The following GRIN2B variants were observed in gnomAD, a reference collection of about 807,000 sequenced individuals.
GRIN2B encodes glutamate receptor ionotropic, NMDA 2B.
Under a neutral mutation model 114.5 loss-of-function variants are expected in GRIN2B, and 5 were observed. That is an observed-to-expected ratio of 0.04 (90% CI 0.02 to 0.09). The LOEUF is 0.09. GRIN2B is among the 10% of genes least tolerant of loss of function. GRIN2B has a pLI of 1.00. For synonymous variants in GRIN2B, 787 were observed against 745.1 expected (o/e 1.06, Z -0.92); for missense variants, 1,108 against 1,943.5 (o/e 0.57, Z 8.08).
intron 4 of GRIN2B, among the ~76,000 whole-genome samples, chr12:13,679,094 GGAA>G (rs1052880436): frequency 2.8e-4 from 43 of 152,096 alleles, no homozygotes; most frequent in Admixed American, 2.6e-3. Context: ...AGAGGGGTAA[GGAA>G]GAAGAAGGAT....
chr12:13,691,632 T>C (rs947461309), intron 4 of GRIN2B, among the ~76,000 whole-genome samples: 7 of 152,096 alleles, frequency 4.6e-5, no homozygotes, highest in African/African-American at 1.7e-4. Context: ...GGAAGCAAAA[T>C]AGCTTGAAGA....
chr12:13,779,168 C>A (rs1864060061), intron 3 of GRIN2B, among the ~76,000 whole-genome samples: 5 of 152,164 alleles, frequency 3.3e-5, no homozygotes, highest in Admixed American at 2.0e-4. Context: ...CTCAGCCTCC[C>A]AAGTAGCTGG....
intron 4 of GRIN2B, among the ~76,000 whole-genome samples, chr12:13,719,895 T>A (rs527660911): frequency 1.3e-5 from 2 of 152,068 alleles, no homozygotes; most frequent in African/African-American, 4.8e-5. Flanking sequence ...CCAAAACTGG[T>A]TTATCACAAC....
chr12:13,926,381 A>T (rs1291280611), intron 2 of GRIN2B, among the ~76,000 whole-genome samples: 2 of 152,148 alleles, frequency 1.3e-5, no homozygotes, highest in Admixed American at 1.3e-4. Flanking sequence ...CCTTAAGCCC[A>T]TCCACACCTA....
In GRIN2B at chr12:13,563,709, A is replaced by C; in HGVS notation, c.3529T>G (p.Ser1177Ala). Residue 1177 changes from serine (S) to alanine (A), a missense_variant, in exon 14 of 14, where the codon TCT (serine) becomes GCT (alanine). Physicochemically the swap from Ser to Ala is moderately conservative, Grantham distance 99 (BLOSUM62 1). This residue lies in a region of GRIN2B where 478 missense variants were observed against 506.0 expected (regional missense o/e 0.94). Coordinates refer to ENST00000609686, the MANE Select transcript of GRIN2B (RefSeq NM_000834.5). ...VSGGGPCTNR[S>A]HIKHGTGDKH... ...TCGCCCGTCCCGTGCTTGATGTGAG[A>C]CCTGTTGGTACAGGGCCCTCCTCCG... 6.2e-7 allele frequency: 1 copy of C among 1,613,396 alleles called. No homozygotes were observed. The highest frequency in any genetic ancestry group is 8.5e-7 in the Non-Finnish European group (1 of 1,179,922).
chr12:13,923,198 A>G (rs1312303195), intron 2 of GRIN2B, among the ~76,000 whole-genome samples: 2 of 152,150 alleles, frequency 1.3e-5, no homozygotes, highest in African/African-American at 2.4e-5. Context: ...TGTTTATCTG[A>G]TCGTTCAGCA....
At chr12:13,798,044 T>A (rs1864446137) in intron 3 of GRIN2B, among the ~76,000 whole-genome samples, 1 of 152,228 alleles carries the variant, frequency 6.6e-6, no homozygotes, top group African/African-American at 2.4e-5. Context: ...TAAGATTCTG[T>A]ATTTCTAACA....
At chr12:13,696,621 T>C (rs142343035) in intron 4 of GRIN2B, among the ~76,000 whole-genome samples, 233 of 152,262 alleles carry the variant, frequency 1.5e-3, no homozygotes, top group African/African-American at 5.3e-3. Context: ...AGAAGAAAGA[T>C]TGCACACCAA....
chr12:13,658,885 C>CA (rs1949893621), intron 5 of GRIN2B, among the ~76,000 whole-genome samples: 1 of 151,752 alleles, frequency 6.6e-6, no homozygotes, highest in Non-Finnish European at 1.5e-5. Flanking sequence ...ACCTTGCTGT[C>CA]AGGCTGTCCT....
chr12:13,978,994 T>C lies in GRIN2B; in HGVS notation c.-19+934A>G, dbSNP rs117565186. Among the ~76,000 whole-genome samples the C allele has an allele frequency of 2.6e-3, 389 of 152,336 alleles. 2 individuals are homozygous for C. Among genetic ancestry groups the C allele is most frequent in the Non-Finnish European group, 4.2e-3 (284 of 68,026 alleles). On this transcript the variant is annotated intron_variant, in intron 2 of 13. Transcript: ENST00000609686. ...TCCATTTTTGAGGGTACAAGACTAA[T>C]ACATGCAAACAGCACATCTCTTTGT...
intron 3 of GRIN2B, among the ~76,000 whole-genome samples, chr12:13,778,511 C>G (rs1864046915): frequency 1.3e-5 from 2 of 152,134 alleles, no homozygotes; most frequent in Non-Finnish European, 2.9e-5. Flanking sequence ...AGGTATTTGC[C>G]CTTTAGGTGC....
At chr12:13,760,873 T>A (rs1450485551) in intron 3 of GRIN2B, among the ~76,000 whole-genome samples, 2 of 152,204 alleles carry the variant, frequency 1.3e-5, no homozygotes, top group East Asian at 3.9e-4. Flanking sequence ...CTTTGATGAG[T>A]AGAAATTCTG....
rs1948562746 is a variant in GRIN2B at position 13,562,760 on chromosome 12, C to T, written c.*23G>A. On this transcript the variant is annotated 3_prime_UTR_variant, in exon 14 of 14. Coordinates refer to ENST00000609686, the MANE Select transcript of GRIN2B (RefSeq NM_000834.5). Reference sequence around the variant, plus strand: ...CCACAGCCTTACCCTCCCGTACCCACCTTAACCTCTCTGTTCCCTCACTCA... The same window carrying T: ...CCACAGCCTTACCCTCCCGTACCCATCTTAACCTCTCTGTTCCCTCACTCA... The T allele has an allele frequency of 6.2e-7, 1 of 1,605,036 alleles. No homozygotes were observed. The highest frequency in any genetic ancestry group is 8.5e-7 in the Non-Finnish European group (1 of 1,171,710).
chr12:13,694,691 A>ATATAAATTAAT (rs1950245155), intron 4 of GRIN2B, among the ~76,000 whole-genome samples: 1 of 117,946 alleles, frequency 8.5e-6, no homozygotes, highest in Non-Finnish European at 1.9e-5. Context: ...ATATATATAT[A>ATATAAATTAAT]TATATATATA....
chr12:13,614,955 T>C (rs1949416601), intron 8 of GRIN2B, among the ~76,000 whole-genome samples, 159 bp downstream of exon 8: 1 of 152,196 alleles, frequency 6.6e-6, no homozygotes. Context: ...TGTTTGAGAG[T>C]AATTGATTTT....
At chr12:13,836,691 G>A (rs986734649) in intron 3 of GRIN2B, among the ~76,000 whole-genome samples, 20 of 152,116 alleles carry the variant, frequency 1.3e-4, no homozygotes, top group Admixed American at 1.2e-3. Flanking sequence ...CTTCTGGCCT[G>A]TTTGCCTGCT....
rs1949430526 is a variant in GRIN2B, at chr12:13,615,741, A to G, written c.1329-77T>C. 7.8e-7 allele frequency: 1 copy of G among 1,286,980 alleles called. No individual in the cohort carries two copies. The highest frequency in any genetic ancestry group is 1.1e-6 in the Non-Finnish European group (1 of 883,370). 79.7% of individuals were successfully genotyped at this position (1,286,980 alleles called of 1,614,324 possible). On this transcript the variant is annotated intron_variant, in intron 6 of 13. Coordinates refer to ENST00000609686, the MANE Select transcript of GRIN2B (RefSeq NM_000834.5). The surrounding 1 kb of genome is among the most constrained non-coding windows in gnomAD (Gnocchi z 5.8). ...AAGCCAACATTTATTACCCTTTGCC[A>G]TTAAAAAACCTCCAATCCCAAAGCA...
chr12:13,849,833 C>G (rs537276751), intron 3 of GRIN2B, among the ~76,000 whole-genome samples: 1 of 152,248 alleles, frequency 6.6e-6, no homozygotes, highest in East Asian at 1.9e-4. Context: ...GGGTGGAAAC[C>G]AAGGGGCTCT....
intron 10 of GRIN2B, among the ~76,000 whole-genome samples, chr12:13,583,206 T>C (rs1948875508): frequency 6.6e-6 from 1 of 152,160 alleles, no homozygotes; most frequent in Non-Finnish European, 1.5e-5. Context: ...AGGCAACAGA[T>C]ACAATCCCTA....
Sources: gnomAD v4.1 joint callset for allele counts (sites outside exome capture counted in the v4.1 genomes callset) on GRCh38, gnomAD v4.1.1 for gene constraint, gnomAD v4.1.1 regional missense constraint, Gnocchi (gnomAD v3.1) non-coding constraint, MANE v1.5 for transcripts, NCBI Gene and HGNC (gene_info 2026-07-23, HGNC 2026-07-21) for gene names.